Variants in WDR25 observed in about 807,000 individuals in gnomAD.
The protein encoded by WDR25 is WD repeat-containing protein 25.
In WDR25, 35 loss-of-function variants were observed where a neutral mutation model predicts 47.7. That is an observed-to-expected ratio of 0.73 (90% CI 0.56 to 0.97). The LOEUF (loss-of-function observed/expected upper bound fraction) is 0.97. WDR25 is among the 50% of genes least tolerant of loss of function. WDR25 has a pLI of 0.00. For missense variants in WDR25, 634 were observed against 704.7 expected (o/e 0.90, Z 1.14); for synonymous variants, 248 against 278.9 (o/e 0.89, Z 1.10).
intron 2 of WDR25, among the ~76,000 whole-genome samples, chr14:100,416,801 G>C (rs772667990): frequency 1.3e-5 from 2 of 152,178 alleles, no homozygotes; most frequent in Admixed American, 6.5e-5. Context: ...GGAGAAGCTT[G>C]GTGCTCGTTA....
rs1372513171 is a variant in WDR25, at chr14:100,502,268, C to T, written c.1101+18144C>T. 6.6e-6 allele frequency among the ~76,000 whole-genome samples: 1 copy of T among 152,222 alleles called. No individual in the cohort carries two copies. On this transcript the variant is annotated intron_variant, in intron 4 of 6. Transcript: ENST00000402312. This position sits in a 1 kb window ranked among gnomAD's most constrained non-coding sequence, Gnocchi z 4.5. ...CCACCTCTGTACATTGTCCGAGGGA[C>T]AGTTTCATAACTTCCCTGCTTAAGG... is the stretch of plus-strand genomic sequence containing the variant.
intron 2 of WDR25, among the ~76,000 whole-genome samples, chr14:100,397,458 T>C (rs1897284804): frequency 6.6e-6 from 1 of 152,258 alleles, no homozygotes; most frequent in Admixed American, 6.5e-5. Context: ...CAACATCTGT[T>C]GTGAGACTTG....
At chr14:100,484,190 G>A (rs986337178) in intron 4 of WDR25, 66 bp downstream of exon 4, 27 of 1,555,886 alleles carry the variant, frequency 1.7e-5, no homozygotes, top group Non-Finnish European at 2.1e-5. Context: ...TGAATAATTG[G>A]GGGCAGGTCA....
At chr14:100,519,753 AGTGT>A (rs1195735126) in intron 4 of WDR25, among the ~76,000 whole-genome samples, 5 of 139,896 alleles carry the variant, frequency 3.6e-5, no homozygotes, top group Non-Finnish European at 7.6e-5. Flanking sequence ...GTATATATAT[AGTGT>A]GTATATATAG....
chr14:100,450,831 A>C (rs1464427787), intron 2 of WDR25, among the ~76,000 whole-genome samples: 1 of 152,242 alleles, frequency 6.6e-6, no homozygotes, highest in Non-Finnish European at 1.5e-5. Flanking sequence ...CAGATTAAGC[A>C]CACTGAGGAG....
At chr14:100,458,091 A>G (rs1027115496) in intron 2 of WDR25, among the ~76,000 whole-genome samples, 1 of 152,218 alleles carries the variant, frequency 6.6e-6, no homozygotes, top group Non-Finnish European at 1.5e-5. Context: ...TACCCATCCC[A>G]TTTGAAAGAC....
At chr14:100,512,488 T>C (rs2140365659) in intron 4 of WDR25, among the ~76,000 whole-genome samples, 1 of 152,328 alleles carries the variant, frequency 6.6e-6, no homozygotes, top group East Asian at 1.9e-4. Context: ...CTCTGTTTTT[T>C]ACTCTGATCA....
intron 2 of WDR25, among the ~76,000 whole-genome samples, chr14:100,460,450 C>G (rs574252526): frequency 3.3e-5 from 5 of 152,214 alleles, no homozygotes; most frequent in African/African-American, 9.6e-5. Flanking sequence ...CAAATCAATC[C>G]AACTACATAT....
In WDR25 at chr14:100,523,067, G is replaced by C. The variant is rs533385174; in HGVS notation, c.1102-2803G>C. ...GAGCCAGTGGCAAAGGCTTTTGTGTGTTGCCTCAGCCCTGCATGCCAGGAT... is the reference window on the plus strand; with the variant it reads ...GAGCCAGTGGCAAAGGCTTTTGTGTCTTGCCTCAGCCCTGCATGCCAGGAT... On this transcript the variant is annotated intron_variant, in intron 4 of 6. Transcript: ENST00000402312. This position sits in a 1 kb window ranked among gnomAD's most constrained non-coding sequence, Gnocchi z 4.7. Among the ~76,000 whole-genome samples, 2 of 152,380 alleles carry C rather than the reference G, an allele frequency of 1.3e-5. No individual in the cohort carries two copies. Among genetic ancestry groups the C allele is most frequent in the Admixed American group, 1.3e-4 (2 of 15,314 alleles).
Position 100,468,311 on chromosome 14 carries a change from A to G in WDR25, c.970+143A>G, listed in dbSNP as rs1410259367. The G allele has an allele frequency of 2.4e-6, 3 of 1,256,412 alleles. No homozygotes were observed. Among genetic ancestry groups the G allele is most frequent in the Non-Finnish European group, 3.2e-6 (3 of 924,858 alleles). 77.8% of individuals were successfully genotyped at this position (1,256,412 alleles called of 1,614,324 possible). A position where few individuals can be genotyped will look rare whatever the true frequency, so the allele number is the denominator to read the frequency against. On this transcript the variant is annotated intron_variant, in intron 3 of 6. Transcript: ENST00000402312. This position sits in a 1 kb window ranked among gnomAD's most constrained non-coding sequence, Gnocchi z 4.5. ...TCAGGGTGGGCTCGTGCTCGGTGAG[A>G]GGGCTTCCAGACTGCTTGCCCATTG...
rs1276447207 is a variant in WDR25, at chr14:100,525,921, C to T, written c.1153C>T (p.Leu385Phe). Reference protein sequence around the residue: ...TIQQTLDILFLREGSEFLSST... With the variant: ...TIQQTLDILFFREGSEFLSST... ...CCAGCAGACCTTGGACATCCTGTTC[C>T]TCCGGGAAGGCTCCGAGTTCCTGAG... is the stretch of plus-strand genomic sequence containing the variant. Residue 385 changes from leucine to phenylalanine, a missense_variant, in exon 5 of 7, where the codon CTC becomes TTC. Coordinates refer to ENST00000402312, the MANE Select transcript of WDR25 (RefSeq NM_001161476.3). This position sits in a 1 kb window ranked among gnomAD's most constrained non-coding sequence, Gnocchi z 4.6. The T allele has an allele frequency of 6.2e-7, 1 of 1,613,984 alleles. No homozygotes were observed. The highest frequency in any genetic ancestry group is 1.1e-5 in the South Asian group (1 of 91,084).
intron 4 of WDR25, among the ~76,000 whole-genome samples, chr14:100,485,367 G>A (rs910325097): frequency 2.0e-5 from 3 of 152,188 alleles, no homozygotes; most frequent in Non-Finnish European, 4.4e-5. Context: ...TAGAATGTAA[G>A]CTCTTTGAAG....
Position 100,424,433 on chromosome 14 carries a change from A to G in WDR25, c.822+42687A>G, listed in dbSNP as rs1898111515. On this transcript the variant is annotated intron_variant, in intron 2 of 6. Coordinates refer to ENST00000402312, the MANE Select transcript of WDR25 (RefSeq NM_001161476.3). The surrounding 1 kb of genome is among the most constrained non-coding windows in gnomAD (Gnocchi z 4.2). ...TTGCATGTTAAGAGTTAGCAGGACA[A>G]TCCTTTGCTACTGGGGACCCGCCAC... Among the ~76,000 whole-genome samples the G allele has an allele frequency of 6.6e-6, 1 of 152,154 alleles. No homozygotes were observed. Among genetic ancestry groups the G allele is most frequent in the Non-Finnish European group, 1.5e-5 (1 of 68,032 alleles).
At chr14:100,391,401 C>T (rs541166981) in intron 2 of WDR25, among the ~76,000 whole-genome samples, 3 of 152,318 alleles carry the variant, frequency 2.0e-5, no homozygotes, top group South Asian at 2.1e-4. Flanking sequence ...CAGCCAGCTT[C>T]GTGATGCTCC....
chr14:100,457,201 C>T (rs1159322979), intron 2 of WDR25, among the ~76,000 whole-genome samples: 2 of 152,166 alleles, frequency 1.3e-5, no homozygotes, highest in Non-Finnish European at 2.9e-5. Context: ...GTGATACACC[C>T]ACCTTGGCCT....
intron 2 of WDR25, among the ~76,000 whole-genome samples, chr14:100,414,143 G>A (rs996632251): frequency 6.6e-6 from 1 of 150,514 alleles, no homozygotes; most frequent in African/African-American, 2.4e-5. Context: ...CTACAGGCGT[G>A]CACCACCACG....
chr14:100,485,571 C>T (rs1201925643), intron 4 of WDR25, among the ~76,000 whole-genome samples: 1 of 152,188 alleles, frequency 6.6e-6, no homozygotes, highest in Non-Finnish European at 1.5e-5. Context: ...AGCGAGGTGG[C>T]CTGGGCAGAG....
At chr14:100,388,497 C>A (rs573057559) in intron 2 of WDR25, among the ~76,000 whole-genome samples, 2 of 152,288 alleles carry the variant, frequency 1.3e-5, no homozygotes, top group South Asian at 4.1e-4. Context: ...TGAATTACCC[C>A]AGGATTGGGA....
At chr14:100,469,149 A>C (rs1899744143) in intron 3 of WDR25, among the ~76,000 whole-genome samples, 1 of 152,018 alleles carries the variant, frequency 6.6e-6, no homozygotes, top group Non-Finnish European at 1.5e-5. Flanking sequence ...CTAGCCCCGC[A>C]GTGGTGGTGG....
Sources: allele counts gnomAD v4.1 joint callset (sites outside exome capture counted in the v4.1 genomes callset), GRCh38; gene constraint gnomAD v4.1.1; non-coding constraint Gnocchi (gnomAD v3.1); transcripts MANE v1.5; gene names NCBI Gene and HGNC (gene_info 2026-07-23, HGNC 2026-07-21).